Variants in CYTH4 observed in about 807,000 individuals in gnomAD.
CYTH4 encodes cytohesin 4.
In CYTH4, 22 loss-of-function variants were observed where a neutral mutation model predicts 57.5. That is an observed-to-expected ratio of 0.38 (90% confidence interval 0.27 to 0.55). The LOEUF (loss-of-function observed/expected upper bound fraction) is 0.55, where lower values mean the gene tolerates loss of function less well. Ranked by LOEUF, CYTH4 falls within the 20% of genes least tolerant of loss-of-function variation. The pLI, the probability that CYTH4 is intolerant of heterozygous loss-of-function variation, is 0.74. For missense variants in CYTH4, 420 were observed against 535.6 expected (o/e 0.78, Z 2.13); for synonymous variants, 186 against 206.5 (o/e 0.90, Z 0.85).
chr22:37,293,927 G>A (rs546026859), intron 2 of CYTH4, among the ~76,000 whole-genome samples: 6 of 151,932 alleles, frequency 3.9e-5, no homozygotes, highest in Admixed American at 1.3e-4. Context: ...AAGTCCAGGG[G>A]AATTGCAAAG....
At chr22:37,305,378 G>A (rs796662715) in intron 8 of CYTH4, among the ~76,000 whole-genome samples, 11 of 152,286 alleles carry the variant, frequency 7.2e-5, no homozygotes, top group African/African-American at 2.6e-4. Context: ...ACCCAGAGAG[G>A]CAGACACAGA....
intron 4 of CYTH4, 127 bp downstream of exon 4, chr22:37,296,192 C>A: frequency 2.9e-6 from 3 of 1,033,308 alleles, no homozygotes; most frequent in Non-Finnish European, 4.2e-6. Context: ...CCCAGCAGAG[C>A]TGAGCATCTT....
chr22:37,304,880 T>G lies in CYTH4; in HGVS notation c.696+1478T>G, dbSNP rs539070858. On this transcript the variant is annotated intron_variant, in intron 8 of 12. Coordinates refer to ENST00000248901, the MANE Select transcript of CYTH4 (RefSeq NM_013385.5). ...AATACTTGCCACAGGGAGTAACTGTTTTAAATGTTACGGGCAGAGCCTGTG... is the reference window on the plus strand; with the variant it reads ...AATACTTGCCACAGGGAGTAACTGTGTTAAATGTTACGGGCAGAGCCTGTG... Among the ~76,000 whole-genome samples, 50 of 152,286 alleles carry G rather than the reference T, an allele frequency of 3.3e-4. 1 individual carries two copies. Among genetic ancestry groups the G allele is most frequent in the African/African-American group, 1.2e-3 (49 of 41,550 alleles).
intron 6 of CYTH4, chr22:37,300,307 C>T (rs1929133344): frequency 2.8e-6 from 2 of 704,580 alleles, no homozygotes. Flanking sequence ...TTCATTCTTT[C>T]ATTCATTCAT....
chr22:37,300,308 A>G (rs969058264), intron 6 of CYTH4: 1 of 704,024 alleles, frequency 1.4e-6, no homozygotes, highest in African/African-American at 1.8e-5. Context: ...TCATTCTTTC[A>G]TTCATTCATT....
At chr22:37,289,990 G>A (rs760629737) in intron 1 of CYTH4, among the ~76,000 whole-genome samples, 9 of 152,056 alleles carry the variant, frequency 5.9e-5, no homozygotes, top group Non-Finnish European at 1.2e-4. Flanking sequence ...TAGTCTCTTC[G>A]CTGTGGGGAT....
At chr22:37,306,353 C>T (rs1260632409) in intron 8 of CYTH4, among the ~76,000 whole-genome samples, 3 of 152,232 alleles carry the variant, frequency 2.0e-5, no homozygotes, top group East Asian at 3.9e-4. Flanking sequence ...GCCCAGGCCT[C>T]TCGGTCAGAA....
chr22:37,284,455 G>T (rs1928477083), intron 1 of CYTH4, among the ~76,000 whole-genome samples: 1 of 152,186 alleles, frequency 6.6e-6, no homozygotes, highest in Non-Finnish European at 1.5e-5. Flanking sequence ...AGGAGATCTG[G>T]GAAGACCTCC....
In CYTH4 at chr22:37,309,197, C is replaced by T. The variant is rs747411573; in HGVS notation, c.697-15C>T. On this transcript the variant is annotated splice_polypyrimidine_tract_variant and intron_variant, in intron 8 of 12. Coordinates refer to ENST00000248901, the MANE Select transcript of CYTH4 (RefSeq NM_013385.5). ...GACTCACAGCCAGGTCTTTCTCTCC[C>T]TTGTCTTGGGGCAGAACCTCTTCGA... 1 of 1,613,082 alleles carries T rather than the reference C, an allele frequency of 6.2e-7. No individual in the cohort carries two copies. Among genetic ancestry groups the T allele is most frequent in the East Asian group, 2.2e-5 (1 of 44,866 alleles).
intron 7 of CYTH4, 145 bp from the exon 8 acceptor site, chr22:37,303,109 A>T: frequency 8.5e-7 from 1 of 1,178,768 alleles, no homozygotes; most frequent in Non-Finnish European, 1.2e-6. Context: ...GGGAAGGGAG[A>T]GGAGGCTGGG....
chr22:37,292,755 C>T (rs769690421), intron 2 of CYTH4, 52 bp downstream of exon 2: 2 of 1,569,204 alleles, frequency 1.3e-6, no homozygotes, highest in African/African-American at 2.7e-5. Flanking sequence ...CTCCTGCACG[C>T]TTGTACGCAC....
Position 37,295,280 on chromosome 22 carries a change from G to C in CYTH4, c.167+556G>C, listed in dbSNP as rs965992861. On this transcript the variant is annotated intron_variant, in intron 3 of 12. Transcript: ENST00000248901. The surrounding 1 kb of genome is among the most constrained non-coding windows in gnomAD (Gnocchi z 4.1). ...CAGTCTCCTAAGGCCCCAGTGCACT[G>C]ACTCTGACACACGATGTCCTGGCAA... is the stretch of plus-strand genomic sequence containing the variant. Among the ~76,000 whole-genome samples the C allele has an allele frequency of 6.6e-6, 1 of 151,710 alleles. No individual in the cohort carries two copies.
At chr22:37,294,545 A>C (rs1928880220) in intron 2 of CYTH4, 115 bp from the exon 3 acceptor site, 3 of 1,126,478 alleles carry the variant, frequency 2.7e-6, no homozygotes, top group Non-Finnish European at 3.9e-6. Context: ...GGTCAGGGAG[A>C]GGGGCCAGGT....
intron 1 of CYTH4, among the ~76,000 whole-genome samples, chr22:37,288,213 G>A (rs2145854569): frequency 6.6e-6 from 1 of 152,290 alleles, no homozygotes; most frequent in East Asian, 1.9e-4. Flanking sequence ...AAGAGATCAA[G>A]ACCATCCTGG....
chr22:37,288,664 G>A lies in CYTH4; in HGVS notation c.20-3957G>A, dbSNP rs116695801. On this transcript the variant is annotated intron_variant, in intron 1 of 12. Coordinates refer to ENST00000248901, the MANE Select transcript of CYTH4 (RefSeq NM_013385.5). The stretch of plus-strand genomic sequence containing the variant: ...CACTCCCACTCCTACCCCTCAGCTC[G>A]TAGACCCTTGTGGTCCACCTGCTGG... Among the ~76,000 whole-genome samples the A allele has an allele frequency of 3.1e-4, 47 of 152,116 alleles. 1 individual carries two copies. The highest frequency in any genetic ancestry group is 9.2e-4 in the African/African-American group (38 of 41,506).
chr22:37,301,471 G>A (rs570145053), intron 7 of CYTH4, among the ~76,000 whole-genome samples: 2 of 151,986 alleles, frequency 1.3e-5, no homozygotes, highest in African/African-American at 4.8e-5. Flanking sequence ...GGCAAAAGGG[G>A]CATAGAAGGA....
At chr22:37,290,042 A>G (rs1453952482) in intron 1 of CYTH4, among the ~76,000 whole-genome samples, 1 of 152,174 alleles carries the variant, frequency 6.6e-6, no homozygotes, top group African/African-American at 2.4e-5. Context: ...TATTCCCACT[A>G]CAATGATCCT....
rs879143406 is a variant in CYTH4, at chr22:37,299,404, G to A, written c.434+98G>A. On this transcript the variant is annotated intron_variant, in intron 6 of 12. Coordinates refer to ENST00000248901, the MANE Select transcript of CYTH4 (RefSeq NM_013385.5). ...ACATAGCTGACAGCACAAACAAAGG[G>A]TTGGGAGCAAAGAAGAGGAGGCAAG... is the stretch of plus-strand genomic sequence containing the variant. The A allele has an allele frequency of 2.7e-5, 29 of 1,091,202 alleles. 1 individual carries two copies. The South Asian group carries it at 3.8e-4, about 14-fold the overall frequency. The allele number at this position is 1,091,202 out of a possible 1,614,324, so 67.6% of individuals were successfully genotyped here.
rs1413923889 is a variant in CYTH4, at chr22:37,314,806, GC to G, written c.*1299del. 1.2e-5 allele frequency: 2 copies of G among 169,068 alleles called. No homozygotes were observed. Among genetic ancestry groups the G allele is most frequent in the Non-Finnish European group, 2.5e-5 (2 of 79,368 alleles). 10.5% of individuals were successfully genotyped at this position (169,068 alleles called of 1,614,324 possible). On this transcript the variant is annotated 3_prime_UTR_variant, in exon 13 of 13. Coordinates refer to ENST00000248901, the MANE Select transcript of CYTH4 (RefSeq NM_013385.5). ...GGGAACAGGAAATGTGGCCGCCTCT[GC>G]CCCACTGCCAGCCTGAGTGGGCAAG...
Sources: gnomAD v4.1 joint callset for allele counts (sites outside exome capture counted in the v4.1 genomes callset) on GRCh38, gnomAD v4.1.1 for gene constraint, Gnocchi (gnomAD v3.1) non-coding constraint, MANE v1.5 for transcripts, NCBI Gene and HGNC (gene_info 2026-07-23, HGNC 2026-07-21) for gene names.